Variants in CALN1 observed in about 807,000 individuals in gnomAD.
CALN1 encodes the protein calcium-binding protein 8.
CALN1 carries 17 observed loss-of-function variants against 30.6 expected under a neutral mutation model. The ratio of observed to expected loss-of-function variants is 0.56; its 90% CI spans 0.38 to 0.83. The LOEUF (loss-of-function observed/expected upper bound fraction) is 0.83, where lower values mean the gene tolerates loss of function less well. Ranked by LOEUF, CALN1 falls within the 40% of genes least tolerant of loss-of-function variation. The pLI, the probability that CALN1 is intolerant of heterozygous loss-of-function variation, is 0.00. For missense variants in CALN1, 291 were observed against 354.9 expected (o/e 0.82, Z 1.45); for synonymous variants, 156 against 131.4 (o/e 1.19, Z -1.28).
upstream of CALN1, chr7:72,447,091 A>C: frequency 6.2e-6 from 1 of 160,904 alleles, no homozygotes; most frequent in South Asian, 1.9e-4. Context: ...CTGGGAGTTA[A>C]GGAGAATCTC....
intron 4 of CALN1, among the ~76,000 whole-genome samples, chr7:72,073,407 TATG>T (rs562296784): frequency 6.5e-4 from 99 of 152,334 alleles, no homozygotes; most frequent in African/African-American, 2.3e-3. Flanking sequence ...AAATTTATAT[TATG>T]TTTATTTTAC....
chr7:71,923,303 G>A (rs1009248619), intron 5 of CALN1, among the ~76,000 whole-genome samples: 14 of 152,074 alleles, frequency 9.2e-5, no homozygotes, highest in Non-Finnish European at 1.9e-4. Context: ...GCTTTCATTT[G>A]GCTGTTTGGT....
At chr7:72,150,429 C>G (rs1463096544) in intron 3 of CALN1, among the ~76,000 whole-genome samples, 1 of 152,170 alleles carries the variant, frequency 6.6e-6, no homozygotes, top group African/African-American at 2.4e-5. Flanking sequence ...AAGAATGTTT[C>G]AGATGGCAGC....
intron 5 of CALN1, among the ~76,000 whole-genome samples, chr7:71,968,236 A>G (rs1404023814): frequency 6.6e-6 from 1 of 152,168 alleles, no homozygotes; most frequent in Admixed American, 6.5e-5. Flanking sequence ...ACACATCCAC[A>G]CTGATGAATC....
intron 2 of CALN1, among the ~76,000 whole-genome samples, chr7:72,373,878 T>G (rs748743204): frequency 6.6e-6 from 1 of 152,190 alleles, no homozygotes; most frequent in Non-Finnish European, 1.5e-5. Context: ...AGAAAAATGA[T>G]GCATTGCTTG....
chr7:72,128,822 A>C (rs1808946342), intron 3 of CALN1, among the ~76,000 whole-genome samples: 1 of 152,220 alleles, frequency 6.6e-6, no homozygotes, highest in Non-Finnish European at 1.5e-5. Context: ...CAGTGAGCTG[A>C]GATCGGGCCG....
intron 2 of CALN1, among the ~76,000 whole-genome samples, chr7:72,362,042 T>C (rs1207449835): frequency 1.3e-5 from 2 of 152,218 alleles, no homozygotes; most frequent in African/African-American, 4.8e-5. Context: ...CTCATTATCT[T>C]GGTAAATAGC....
intron 6 of CALN1, among the ~76,000 whole-genome samples, chr7:71,800,751 G>C (rs1436884146): frequency 6.6e-6 from 1 of 151,888 alleles, no homozygotes; most frequent in Non-Finnish European, 1.5e-5. Flanking sequence ...GGCCAGGGCT[G>C]GGCATTGACA....
intron 4 of CALN1, among the ~76,000 whole-genome samples, chr7:72,085,090 C>T (rs1222265221): frequency 1.3e-5 from 2 of 152,170 alleles, no homozygotes; most frequent in South Asian, 2.1e-4. Flanking sequence ...CTCTTTCTGA[C>T]TTACGGTCAG....
chr7:72,069,019 G>T (rs1414548837), intron 4 of CALN1, among the ~76,000 whole-genome samples: 2 of 152,192 alleles, frequency 1.3e-5, no homozygotes, highest in Non-Finnish European at 1.5e-5. Flanking sequence ...TAAGTTGCAG[G>T]AGAGTTCAGA....
Position 71,782,749 on chromosome 7 carries a change from A to T in CALN1, c.*5026T>A, listed in dbSNP as rs940911925. ...GCTGGTGAATAATGTTTCTTTTTTA[A>T]AATTATTTTTTGAGATGAAGTTTTG... On this transcript the variant is annotated 3_prime_UTR_variant, in exon 7 of 7. Transcript: ENST00000395275. 1.3e-5 allele frequency: 2 copies of T among 151,922 alleles called. No homozygotes were observed. Among genetic ancestry groups the T allele is most frequent in the African/African-American group, 4.8e-5 (2 of 41,354 alleles). 9.4% of individuals were successfully genotyped at this position (151,922 alleles called of 1,614,324 possible).
intron 4 of CALN1, among the ~76,000 whole-genome samples, chr7:72,085,298 G>A (rs908036520): frequency 2.6e-5 from 4 of 152,102 alleles, no homozygotes; most frequent in African/African-American, 9.7e-5. Flanking sequence ...AACACTGCAA[G>A]ACCCCATCTC....
intron 5 of CALN1, among the ~76,000 whole-genome samples, chr7:71,949,309 G>A (rs1796570307): frequency 6.6e-6 from 1 of 152,158 alleles, no homozygotes; most frequent in South Asian, 2.1e-4. Context: ...CGTCGAGTAA[G>A]TGACTGTAAC....
chr7:72,463,978 AGGGAAGGAG>A, the CALN1 span, among the ~76,000 whole-genome samples: 583 of 93,240 alleles, frequency 6.3e-3, 3 homozygotes, highest in African/African-American at 0.034. Flanking sequence ...GAAGGAAGGA[AGGGAAGGAG>A]GGAGGGAGGG....
At chr7:71,898,019 G>T (rs1017319384) in intron 5 of CALN1, among the ~76,000 whole-genome samples, 3 of 111,218 alleles carry the variant, frequency 2.7e-5, no homozygotes, top group African/African-American at 1.2e-4. Flanking sequence ...GAGGGGGGGG[G>T]AGAGAGAGAG....
the CALN1 span, among the ~76,000 whole-genome samples, chr7:72,476,634 G>A: frequency 5.9e-5 from 9 of 152,216 alleles, no homozygotes; most frequent in Non-Finnish European, 1.0e-4. Context: ...TGGGGCCTTC[G>A]TAAAACCAAC....
At chr7:72,484,088 C>T in the CALN1 span, among the ~76,000 whole-genome samples, 4 of 152,124 alleles carry the variant, frequency 2.6e-5, no homozygotes, top group Non-Finnish European at 5.9e-5. Flanking sequence ...AATGTCCTGT[C>T]TGCTCATTCT....
At chr7:72,110,700 C>T (rs1807510511) in intron 3 of CALN1, among the ~76,000 whole-genome samples, 1 of 143,978 alleles carries the variant, frequency 6.9e-6, no homozygotes, top group Admixed American at 7.0e-5. Flanking sequence ...AAAAAAAATA[C>T]AAAACTAGAA....
At chr7:72,459,629 A>C in the CALN1 span, among the ~76,000 whole-genome samples, 1 of 151,434 alleles carries the variant, frequency 6.6e-6, no homozygotes, top group Admixed American at 6.6e-5. Flanking sequence ...CTGTCTCAAA[A>C]AAAAAAAAAA....
Sources: gnomAD v4.1 joint callset for allele counts (sites outside exome capture counted in the v4.1 genomes callset) on GRCh38, gnomAD v4.1.1 for gene constraint, MANE v1.5 for transcripts, NCBI Gene and HGNC (gene_info 2026-07-23, HGNC 2026-07-21) for gene names.